DBET: variants seen among roughly 807,000 people sequenced by gnomAD.
The protein encoded by DBET is D4Z4 binding element transcript, also known as D4Z4 binding element transcript (non-protein coding).
exon 1 of DBET, chr4:190,064,661 C>A (rs1289225808): frequency 1.5e-5 from 2 of 134,316 alleles, no homozygotes; most frequent in African/African-American, 6.4e-5. Context: ...ATCAAAAAGC[C>A]AAACATTTCA....
rs1235165773 is a variant in DBET at position 190,064,608 on chromosome 4, C to G, written n.107C>G. ...TATATGACTCCATCATGTCCTTCAG[C>G]ACTCCACATCAGGAGAGAAAGAATC... On this transcript the variant is annotated non_coding_transcript_exon_variant, in exon 1 of 1. Transcript: ENST00000630918. 2.9e-5 allele frequency: 4 copies of G among 138,620 alleles called. 1 individual carries two copies. Among genetic ancestry groups the G allele is most frequent in the African/African-American group, 9.3e-5 (3 of 32,382 alleles). 8.6% of individuals were successfully genotyped at this position (138,620 alleles called of 1,614,324 possible).
chr4:190,066,927 C>T (rs797029653), exon 1 of DBET: 4 of 65,828 alleles, frequency 6.1e-5, no homozygotes, highest in Non-Finnish European at 8.1e-5. Flanking sequence ...TTCACCCGCG[C>T]GGTTCACAGA....
At chr4:190,064,597 A>G (rs1238030199) in exon 1 of DBET, 1 of 138,946 alleles carries the variant, frequency 7.2e-6, no homozygotes, top group Non-Finnish European at 1.5e-5. Flanking sequence ...TGACTCCATC[A>G]TGTCCTTCAG....
exon 1 of DBET, chr4:190,066,798 T>G (rs2126459689): frequency 1.8e-5 from 1 of 55,254 alleles, no homozygotes; most frequent in Non-Finnish European, 5.5e-5. Context: ...GGCTGAGGGC[T>G]GGGCCCACAG....
chr4:190,065,105 T>C (rs1579772045), exon 1 of DBET: 1 of 463,644 alleles, frequency 2.2e-6, no homozygotes, highest in Non-Finnish European at 3.8e-6. Flanking sequence ...TAGTTTGGCA[T>C]TGCTTTTGGG....
At chr4:190,065,011 T>G (rs1740578368) in exon 1 of DBET, 1 of 414,090 alleles carries the variant, frequency 2.4e-6, no homozygotes. Context: ...TAAGGCTTTT[T>G]CTCTCCCTCC....
exon 1 of DBET, chr4:190,067,659 AC>A: frequency 3.4e-5 from 2 of 59,678 alleles, no homozygotes; most frequent in African/African-American, 2.8e-4. Flanking sequence ...CCCCCCCCCC[AC>A]CACCACCACC....
exon 1 of DBET, chr4:190,067,642 C>G (rs1740732175): frequency 8.4e-6 from 1 of 119,230 alleles, no homozygotes. Context: ...CGCCCTCCCC[C>G]CCCCCCCCCC....
Position 190,065,163 on chromosome 4 carries a change from T to C in DBET, n.662T>C, listed in dbSNP as rs181437614. 1.3e-3 allele frequency: 664 copies of C among 499,072 alleles called. 130 individuals carry two copies. The highest frequency in any genetic ancestry group is 9.7e-4 in the Middle Eastern group (2 of 2,062). 30.9% of individuals were successfully genotyped at this position (499,072 alleles called of 1,614,324 possible). ...CTTCTGGAGACCCTTGTCATGCCAT[T>C]ATTTATAAATCTATTGTGCCTCAAG... On this transcript the variant is annotated non_coding_transcript_exon_variant, in exon 1 of 1. Coordinates refer to ENST00000630918, the Ensembl canonical transcript of DBET.
In DBET at chr4:190,064,812, C is replaced by G. The variant is rs369706403; in HGVS notation, n.311C>G. The G allele has an allele frequency of 1.9e-4, 25 of 133,964 alleles. 1 individual carries two copies. The highest frequency in any genetic ancestry group is 3.0e-4 in the Non-Finnish European group (19 of 63,252). 8.3% of individuals were successfully genotyped at this position (133,964 alleles called of 1,614,324 possible). ...AGCCAGACTTCATCAAATTTCTGCA[C>G]CAATGAAAAAAAAATTTACAAGAGA... On this transcript the variant is annotated non_coding_transcript_exon_variant, in exon 1 of 1. Transcript: ENST00000630918.
exon 1 of DBET, chr4:190,067,292 T>C (rs1553972082): frequency 2.0e-4 from 1 of 5,092 alleles, no homozygotes. Flanking sequence ...CTCTCTGGGG[T>C]CTCGCTCTGG....
exon 1 of DBET, chr4:190,065,223 G>C (rs1740590437): frequency 3.5e-6 from 2 of 579,306 alleles, no homozygotes; most frequent in South Asian, 1.7e-5. Context: ...GGAGACATTG[G>C]GATGCGCGCG....
In DBET at chr4:190,065,101, G is replaced by C. The variant is rs1212158675; in HGVS notation, n.600G>C. 3.6e-4 allele frequency: 165 copies of C among 464,388 alleles called. 29 individuals carry two copies. Among genetic ancestry groups the C allele is most frequent in the Non-Finnish European group, 6.8e-5 (18 of 263,714 alleles). 28.8% of individuals were successfully genotyped at this position (464,388 alleles called of 1,614,324 possible). On this transcript the variant is annotated non_coding_transcript_exon_variant, in exon 1 of 1. Coordinates refer to ENST00000630918, the Ensembl canonical transcript of DBET. ...AGAACATAAATGATCTGACTAGTTT[G>C]GCATTGCTTTTGGGGATCTGGGAAA... is the stretch of plus-strand genomic sequence containing the variant.
rs1198425779 is a variant in DBET, at chr4:190,067,637, T to TC, written n.3157dup. The TC allele has an allele frequency of 9.8e-4, 108 of 110,560 alleles. 24 individuals are homozygous for TC. Among genetic ancestry groups the TC allele is most frequent in the Middle Eastern group, 2.5e-3 (1 of 402 alleles). The allele number at this position is 110,560 out of a possible 1,614,324, so 6.8% of individuals were successfully genotyped here. A position where few individuals can be genotyped will look rare whatever the true frequency, so the allele number is the denominator to read the frequency against. ...CACCACCACCACCGCCACCACGCCCTCCCCCCCCCCCCCCCCCCCCCACCA... is the reference window on the plus strand; with the variant it reads ...CACCACCACCACCGCCACCACGCCCTCCCCCCCCCCCCCCCCCCCCCCACCA... On this transcript the variant is annotated non_coding_transcript_exon_variant, in exon 1 of 1. Coordinates refer to ENST00000630918, the Ensembl canonical transcript of DBET.
At chr4:190,064,620 G>C (rs565369372) in exon 1 of DBET, 1 of 137,830 alleles carries the variant, frequency 7.3e-6, no homozygotes, top group Non-Finnish European at 1.5e-5. Flanking sequence ...CTCCACATCA[G>C]GAGAGAAAGA....
chr4:190,065,326 C>A lies in DBET; in HGVS notation n.825C>A, dbSNP rs1310352736. The A allele has an allele frequency of 1.7e-5, 7 of 409,780 alleles. 1 individual carries two copies. The highest frequency in any genetic ancestry group is 2.6e-5 in the Non-Finnish European group (6 of 232,844). 25.4% of individuals were successfully genotyped at this position (409,780 alleles called of 1,614,324 possible). A position where few individuals can be genotyped will look rare whatever the true frequency, so the allele number is the denominator to read the frequency against. On this transcript the variant is annotated non_coding_transcript_exon_variant, in exon 1 of 1. Coordinates refer to ENST00000630918, the Ensembl canonical transcript of DBET. ...GCCAGGCCGCGCCGGCAGAGGGGATCTCCCAACCTGCCCCGGCGCGCGGGG... is the reference window on the plus strand; with the variant it reads ...GCCAGGCCGCGCCGGCAGAGGGGATATCCCAACCTGCCCCGGCGCGCGGGG...
exon 1 of DBET, chr4:190,065,142 T>C (rs1740583916): frequency 6.2e-6 from 3 of 482,134 alleles, no homozygotes; most frequent in Non-Finnish European, 1.1e-5. Context: ...TGCACACTTC[T>C]GGAGACCCTT....
At chr4:190,064,612 C>A (rs1357121755) in exon 1 of DBET, 1 of 138,394 alleles carries the variant, frequency 7.2e-6, no homozygotes, top group Non-Finnish European at 1.5e-5. Context: ...CTTCAGCACT[C>A]CACATCAGGA....
chr4:190,064,589 A>T (rs1457432285), exon 1 of DBET: 3 of 138,592 alleles, frequency 2.2e-5, no homozygotes, highest in African/African-American at 3.1e-5. Context: ...CATCTATATG[A>T]CTCCATCATG....
Sources: allele counts gnomAD v4.1 joint callset, GRCh38; gene constraint gnomAD v4.1.1; transcripts MANE v1.5; gene names NCBI Gene and HGNC (gene_info 2026-07-23, HGNC 2026-07-21).